KCNAB1: variants seen among roughly 807,000 people sequenced by gnomAD.
KCNAB1 encodes voltage-gated potassium channel subunit beta-1.
In KCNAB1, 35 loss-of-function variants were observed where a neutral mutation model predicts 64.6. The ratio of observed to expected loss-of-function variants is 0.54; its 90% CI spans 0.41 to 0.72. The LOEUF (loss-of-function observed/expected upper bound fraction) is 0.72. KCNAB1 is among the 30% of genes least tolerant of loss of function. The pLI, the probability that KCNAB1 is intolerant of heterozygous loss-of-function variation, is 0.00. For synonymous variants in KCNAB1, 177 were observed against 183.8 expected, an observed-to-expected ratio of 0.96 and a Z score of 0.30; for missense variants, 401 against 512.9, an observed-to-expected ratio of 0.78 and a Z score of 2.11.
chr3:156,470,615 G>A (rs1713816048), intron 7 of KCNAB1, among the ~76,000 whole-genome samples: 1 of 151,798 alleles, frequency 6.6e-6, no homozygotes, highest in Admixed American at 6.6e-5. Flanking sequence ...TATTCCAACA[G>A]CCAAAAGCTG....
chr3:156,356,997 G>A (rs1188956894), intron 1 of KCNAB1, among the ~76,000 whole-genome samples: 1 of 152,202 alleles, frequency 6.6e-6, no homozygotes, highest in East Asian at 1.9e-4. Context: ...CCTCTGGCAT[G>A]TTGTGATGTG....
intron 1 of KCNAB1, among the ~76,000 whole-genome samples, chr3:156,169,407 C>T (rs1711817963): frequency 6.6e-6 from 1 of 152,168 alleles, no homozygotes; most frequent in African/African-American, 2.4e-5. Context: ...TTTGGACCCT[C>T]CTCAGGAAGG....
intron 8 of KCNAB1, among the ~76,000 whole-genome samples, chr3:156,480,800 T>C (rs1030284856): frequency 3.3e-5 from 5 of 152,154 alleles, no homozygotes; most frequent in African/African-American, 1.2e-4. Context: ...CACATGTGGC[T>C]AGTAGCTACT....
chr3:156,295,070 C>T (rs1469296955), intron 1 of KCNAB1, among the ~76,000 whole-genome samples: 1 of 152,102 alleles, frequency 6.6e-6, no homozygotes. Flanking sequence ...AATAACAAAA[C>T]AAACAAACAA....
At chr3:156,318,646 A>G (rs993513627) in intron 1 of KCNAB1, among the ~76,000 whole-genome samples, 4 of 152,226 alleles carry the variant, frequency 2.6e-5, no homozygotes, top group Admixed American at 2.0e-4. Flanking sequence ...CTGAATAAAT[A>G]CATGTAGAAA....
At chr3:156,359,172 TATTAAAA>T (rs1725445698) in intron 1 of KCNAB1, among the ~76,000 whole-genome samples, 1 of 152,226 alleles carries the variant, frequency 6.6e-6, no homozygotes, top group Non-Finnish European at 1.5e-5. Context: ...TGTTGGTACT[TATTAAAA>T]ATTAATGTGG....
chr3:156,308,655 C>A (rs1259191389), intron 1 of KCNAB1, among the ~76,000 whole-genome samples: 5 of 152,194 alleles, frequency 3.3e-5, no homozygotes, highest in Admixed American at 3.3e-4. Context: ...CTTATACGTT[C>A]TTGATGCTGG....
At chr3:156,147,365 G>T (rs76454482) in intron 1 of KCNAB1, among the ~76,000 whole-genome samples, 361 of 152,274 alleles carry the variant, frequency 2.4e-3, no homozygotes, top group African/African-American at 8.4e-3. Flanking sequence ...CAGCAGCAAG[G>T]TTCCTAGAGG....
intron 1 of KCNAB1, among the ~76,000 whole-genome samples, chr3:156,209,433 T>C (rs2108391815): frequency 6.6e-6 from 1 of 152,364 alleles, no homozygotes; most frequent in East Asian, 1.9e-4. Context: ...AATGCTTACC[T>C]TAATTAATAA....
chr3:156,309,893 CT>C (rs1721776427), intron 1 of KCNAB1, among the ~76,000 whole-genome samples: 1 of 152,172 alleles, frequency 6.6e-6, no homozygotes, highest in African/African-American at 2.4e-5. Context: ...CTTCACAATT[CT>C]AGGAACTAAA....
intron 1 of KCNAB1, among the ~76,000 whole-genome samples, chr3:156,123,590 T>C (rs1713475812): frequency 6.6e-6 from 1 of 152,256 alleles, no homozygotes. Flanking sequence ...TGACTCCTGC[T>C]GTATTTACAT....
intron 1 of KCNAB1, among the ~76,000 whole-genome samples, chr3:156,197,897 A>G (rs377681825): frequency 6.6e-6 from 1 of 151,996 alleles, no homozygotes; most frequent in East Asian, 1.9e-4. Flanking sequence ...TTGATTTTAG[A>G]TCTTTCTCGC....
chr3:156,296,762 C>T (rs1330809714), intron 1 of KCNAB1, among the ~76,000 whole-genome samples: 1 of 152,104 alleles, frequency 6.6e-6, no homozygotes, highest in East Asian at 1.9e-4. Flanking sequence ...CGTGAGCCAC[C>T]GTGCCCGGCC....
intron 4 of KCNAB1, among the ~76,000 whole-genome samples, chr3:156,458,552 A>T (rs3755632): frequency 2.0e-5 from 3 of 152,162 alleles, no homozygotes; most frequent in Non-Finnish European, 4.4e-5. Flanking sequence ...TTTTCCTTGC[A>T]TGAGTTTCCT....
At chr3:156,381,383 GATA>G (rs1712147927) in intron 1 of KCNAB1, among the ~76,000 whole-genome samples, 1 of 152,182 alleles carries the variant, frequency 6.6e-6, no homozygotes, top group South Asian at 2.1e-4. Context: ...GGATTCTGGT[GATA>G]ATGAGGAGAT....
At chr3:156,315,445 T>G (rs915663922) in intron 1 of KCNAB1, among the ~76,000 whole-genome samples, 4 of 152,236 alleles carry the variant, frequency 2.6e-5, no homozygotes, top group African/African-American at 4.8e-5. Context: ...CCTTGCTCAC[T>G]GAGGTCCCTG....
chr3:156,259,949 G>T (rs1718331200), intron 1 of KCNAB1, among the ~76,000 whole-genome samples: 1 of 152,146 alleles, frequency 6.6e-6, no homozygotes, highest in African/African-American at 2.4e-5. Flanking sequence ...ATGCCCAACG[G>T]GGAACGTTTC....
chr3:156,200,171 T>A (rs1018828329), intron 1 of KCNAB1, among the ~76,000 whole-genome samples: 1 of 152,214 alleles, frequency 6.6e-6, no homozygotes, highest in African/African-American at 2.4e-5. Flanking sequence ...CACCAAAGAT[T>A]GCTGCCTGTT....
chr3:156,471,936 G>A (rs760777336), intron 7 of KCNAB1, among the ~76,000 whole-genome samples: 2 of 152,158 alleles, frequency 1.3e-5, no homozygotes, highest in Non-Finnish European at 2.9e-5. Context: ...GGAAACTGAG[G>A]CTCAGAGAGG....
Sources: allele counts gnomAD v4.1 joint callset (sites outside exome capture counted in the v4.1 genomes callset), GRCh38; gene constraint gnomAD v4.1.1; transcripts MANE v1.5; gene names NCBI Gene and HGNC (gene_info 2026-07-23, HGNC 2026-07-21).